Variants in CNOT2 observed in about 807,000 individuals in gnomAD.
The protein encoded by CNOT2 is CC chemokine receptor 4-negative regulator of transcription 2.
Under a neutral mutation model 72.1 loss-of-function variants are expected in CNOT2, and 7 were observed. The ratio of observed to expected loss-of-function variants is 0.10; its 90% CI spans 0.06 to 0.18. The LOEUF is 0.18. Among genes scored for constraint, CNOT2 ranks in the 10% least tolerant of loss-of-function variants. The pLI is 1.00. For missense variants in CNOT2, 345 were observed against 660.3 expected (o/e 0.52, Z 5.23); for synonymous variants, 196 against 225.6 (o/e 0.87, Z 1.17).
chr12:70,346,527 T>C, intron 15 of CNOT2: 1 of 407,256 alleles, frequency 2.5e-6, no homozygotes, highest in Non-Finnish European at 4.3e-6. Flanking sequence ...ATTATTGAAT[T>C]TGGTAAGAGG....
At chr12:70,243,607 G>C (rs1243423126) in intron 1 of CNOT2, 127 bp downstream of exon 1, 2 of 151,906 alleles carry the variant, frequency 1.3e-5, no homozygotes, top group Non-Finnish European at 2.9e-5. Context: ...TCCGCCGGTA[G>C]CGTCCCGGCC....
chr12:70,263,293 T>C (rs1307089096), intron 1 of CNOT2, among the ~76,000 whole-genome samples: 2 of 152,196 alleles, frequency 1.3e-5, no homozygotes, highest in African/African-American at 4.8e-5. Context: ...ATTTTTCTGT[T>C]CTTTTCTCTC....
intron 2 of CNOT2, among the ~76,000 whole-genome samples, chr12:70,303,600 G>A (rs932513403): frequency 2.6e-5 from 4 of 152,150 alleles, no homozygotes; most frequent in Non-Finnish European, 4.4e-5. Flanking sequence ...TTAGTCCGAT[G>A]GGCTTCCCTT....
At chr12:70,251,181 C>T (rs925929224) in intron 1 of CNOT2, among the ~76,000 whole-genome samples, 1 of 152,184 alleles carries the variant, frequency 6.6e-6, no homozygotes, top group Non-Finnish European at 1.5e-5. Flanking sequence ...TTACTTTGTG[C>T]TGTGCACTAT....
chr12:70,352,870 G>T lies in CNOT2; in HGVS notation c.1537-959G>T, dbSNP rs1883042131. Among the ~76,000 whole-genome samples, 4 of 152,150 alleles carry T rather than the reference G, an allele frequency of 2.6e-5. No individual in the cohort carries two copies. In the South Asian group the frequency reaches 6.2e-4, roughly 24 times the overall value. On this transcript the variant is annotated intron_variant, in intron 15 of 15. Transcript: ENST00000229195. The stretch of plus-strand genomic sequence containing the variant: ...TTTTAAAACTCATGAAGTTAATACA[G>T]TATTTTGAAAGTTTGATTAAAGTGA...
intron 2 of CNOT2, chr12:70,307,952 T>C (rs950592847): frequency 6.6e-6 from 1 of 151,256 alleles, no homozygotes; most frequent in African/African-American, 2.4e-5. Context: ...CTAAATCCTC[T>C]CTTGATTTCC....
chr12:70,352,019 C>G (rs1436601571), intron 15 of CNOT2, among the ~76,000 whole-genome samples: 1 of 152,136 alleles, frequency 6.6e-6, no homozygotes, highest in African/African-American at 2.4e-5. Flanking sequence ...TCTTTATAAA[C>G]TCTCAGGGGA....
At chr12:70,322,968 T>A (rs2135997426) in intron 4 of CNOT2, 1 of 151,832 alleles carries the variant, frequency 6.6e-6, no homozygotes, top group Non-Finnish European at 1.5e-5. Context: ...ATGTAAAATA[T>A]TAAATAACAG....
At chr12:70,265,909 T>G (rs1194487955) in intron 1 of CNOT2, among the ~76,000 whole-genome samples, 2 of 152,060 alleles carry the variant, frequency 1.3e-5, no homozygotes, top group African/African-American at 4.8e-5. Flanking sequence ...GTTCAATTTT[T>G]ATGTATTTGG....
At chr12:70,303,550 T>A (rs1317661610) in intron 2 of CNOT2, among the ~76,000 whole-genome samples, 2 of 152,246 alleles carry the variant, frequency 1.3e-5, no homozygotes, top group Non-Finnish European at 2.9e-5. Flanking sequence ...TGGTCCCCAC[T>A]CTCTTCTGGC....
chr12:70,309,481 CAG>C (rs1440227802), intron 2 of CNOT2, among the ~76,000 whole-genome samples: 1 of 152,098 alleles, frequency 6.6e-6, no homozygotes. Context: ...GTGCTTTCAA[CAG>C]AGTTACACGT....
At position 70,354,546 on chromosome 12, in the gene CNOT2, A is replaced by T. The variant is rs966053328; in HGVS notation, c.*631A>T. On this transcript the variant is annotated 3_prime_UTR_variant, in exon 16 of 16. Coordinates refer to ENST00000229195, the MANE Select transcript of CNOT2 (RefSeq NM_014515.7). ...TGTTATTACTGAGCTTCATCTTTCC[A>T]GAATGAGCAAAACACTGTCCAGTCT... 1 of 152,682 alleles carries T rather than the reference A, an allele frequency of 6.5e-6. No homozygotes were observed. The highest frequency in any genetic ancestry group is 1.5e-5 in the Non-Finnish European group (1 of 68,048). The allele number at this position is 152,682 out of a possible 1,614,324, so 9.5% of individuals were successfully genotyped here. A position where few individuals can be genotyped will look rare whatever the true frequency, so the allele number is the denominator to read the frequency against.
At chr12:70,277,643 G>T (rs7137646) in intron 1 of CNOT2, among the ~76,000 whole-genome samples, 21,782 of 152,044 alleles carry the variant, frequency 0.14, 1,753 homozygotes, top group African/African-American at 0.21. Context: ...TTCTCATTTT[G>T]TTGCATGGGA....
intron 2 of CNOT2, among the ~76,000 whole-genome samples, chr12:70,295,304 T>G (rs953839316): frequency 2.6e-5 from 4 of 152,160 alleles, no homozygotes; most frequent in African/African-American, 9.7e-5. Flanking sequence ...ATTTGGTATT[T>G]CAGGTCTCAA....
intron 2 of CNOT2, among the ~76,000 whole-genome samples, chr12:70,285,229 A>T (rs1206194644): frequency 1.4e-5 from 2 of 148,042 alleles, no homozygotes; most frequent in East Asian, 2.0e-4. Context: ...TTTTTTTTTT[A>T]GACGAACTCT....
At chr12:70,300,480 C>G (rs1873726164) in intron 2 of CNOT2, among the ~76,000 whole-genome samples, 2 of 152,162 alleles carry the variant, frequency 1.3e-5, no homozygotes, top group African/African-American at 4.8e-5. Context: ...ATAGGCAATC[C>G]TTTCCCCATT....
chr12:70,318,699 T>A (rs898532467), intron 3 of CNOT2, among the ~76,000 whole-genome samples: 4 of 151,906 alleles, frequency 2.6e-5, no homozygotes, highest in Non-Finnish European at 4.4e-5. Context: ...AGCCCCTTGA[T>A]GACATGGCTC....
chr12:70,322,867 C>A (rs1241241207), intron 4 of CNOT2: 1 of 151,772 alleles, frequency 6.6e-6, no homozygotes, highest in Non-Finnish European at 1.5e-5. Flanking sequence ...TGAACAGATA[C>A]TAAATGCTTA....
intron 3 of CNOT2, among the ~76,000 whole-genome samples, chr12:70,317,718 T>C (rs2135979495): frequency 6.6e-6 from 1 of 150,848 alleles, no homozygotes; most frequent in Non-Finnish European, 1.5e-5. Flanking sequence ...GAGTTACTGA[T>C]GTGTACCATT....
Sources: allele counts gnomAD v4.1 joint callset (sites outside exome capture counted in the v4.1 genomes callset), GRCh38; gene constraint gnomAD v4.1.1; transcripts MANE v1.5; gene names NCBI Gene and HGNC (gene_info 2026-07-23, HGNC 2026-07-21).